The following ARK2N variants were observed in gnomAD, a reference collection of about 807,000 sequenced individuals.
The protein encoded by ARK2N is protein ARK2N.
At chr18:46,261,659 G>GC in the ARK2N span, among the ~76,000 whole-genome samples, 1 of 152,166 alleles carries the variant, frequency 6.6e-6, no homozygotes, top group Non-Finnish European at 1.5e-5. Context: ...TGAAAAGGTA[G>GC]TAGCCTCTGG....
At chr18:46,182,338 G>A in the ARK2N span, among the ~76,000 whole-genome samples, 1 of 152,188 alleles carries the variant, frequency 6.6e-6, no homozygotes, top group African/African-American at 2.4e-5. Context: ...AATTTTGGCA[G>A]CTTTTATCTT....
At chr18:46,207,202 C>T in the ARK2N span, among the ~76,000 whole-genome samples, 1 of 152,068 alleles carries the variant, frequency 6.6e-6, no homozygotes, top group Admixed American at 6.6e-5. Context: ...ATGGTTGTAC[C>T]CTAACCAGTG....
At chr18:46,265,788 G>A in the ARK2N span, 1 of 152,518 alleles carries the variant, frequency 6.6e-6, no homozygotes, top group African/African-American at 2.4e-5. Flanking sequence ...CTTTTAAAGG[G>A]GTTTTTCTTA....
At chr18:46,260,440 T>C in the ARK2N span, among the ~76,000 whole-genome samples, 1,550 of 152,324 alleles carry the variant, frequency 0.01, 27 homozygotes, top group African/African-American at 0.035. Flanking sequence ...TTAGGGGTTG[T>C]TCCATCATCT....
the ARK2N span, among the ~76,000 whole-genome samples, chr18:46,185,502 C>G: frequency 3.3e-5 from 5 of 152,310 alleles, no homozygotes; most frequent in South Asian, 1.0e-3. Context: ...TGTCATAGCT[C>G]TCTACTGTGC....
the ARK2N span, among the ~76,000 whole-genome samples, chr18:46,252,328 G>A: frequency 2.6e-5 from 4 of 151,880 alleles, no homozygotes; most frequent in African/African-American, 9.7e-5. Flanking sequence ...GGCTCCTGGA[G>A]TGCAGTGGCG....
the ARK2N span, among the ~76,000 whole-genome samples, chr18:46,208,678 C>T: frequency 6.6e-6 from 1 of 151,884 alleles, no homozygotes; most frequent in East Asian, 1.9e-4. Context: ...CCATGTTGGC[C>T]AGGATGGTCT....
At chr18:46,213,392 C>T in the ARK2N span, among the ~76,000 whole-genome samples, 1 of 152,012 alleles carries the variant, frequency 6.6e-6, no homozygotes, top group African/African-American at 2.4e-5. Flanking sequence ...TTTGTCCCCC[C>T]CACTGCTAAA....
chr18:46,200,091 T>C, the ARK2N span, among the ~76,000 whole-genome samples: 199 of 148,092 alleles, frequency 1.3e-3, no homozygotes, highest in Middle Eastern at 3.5e-3. Flanking sequence ...TGTGTGTGTG[T>C]GCGCGCGCGT....
At chr18:46,214,016 C>T in the ARK2N span, among the ~76,000 whole-genome samples, 9 of 152,188 alleles carry the variant, frequency 5.9e-5, no homozygotes, top group African/African-American at 2.2e-4. Context: ...TTTAAATTAA[C>T]AGATGTTTCA....
At chr18:46,218,932 A>G in the ARK2N span, 1 of 152,324 alleles carries the variant, frequency 6.6e-6, no homozygotes, top group African/African-American at 2.4e-5. Context: ...AAAACCGATT[A>G]TTGCCATACT....
chr18:46,260,927 T>A, the ARK2N span, among the ~76,000 whole-genome samples: 4 of 152,240 alleles, frequency 2.6e-5, no homozygotes, highest in Non-Finnish European at 5.9e-5. Context: ...TCAGATTTTT[T>A]AAAAAGCCAC....
chr18:46,216,822 G>T, the ARK2N span: 1 of 467,550 alleles, frequency 2.1e-6, no homozygotes. The surrounding 1 kb of genome is among the most constrained non-coding windows in gnomAD (Gnocchi z 4.3). Context: ...TTAATGATAG[G>T]GACAAGATTA....
the ARK2N span, among the ~76,000 whole-genome samples, chr18:46,197,122 A>G: frequency 1.3e-5 from 2 of 152,170 alleles, no homozygotes; most frequent in Admixed American, 1.3e-4. Flanking sequence ...TTTTGAAGGG[A>G]GGAACATTAA....
chr18:46,199,265 A>G, the ARK2N span, among the ~76,000 whole-genome samples: 1 of 151,918 alleles, frequency 6.6e-6, no homozygotes, highest in Non-Finnish European at 1.5e-5. Context: ...GCTGAACTAC[A>G]TTTCCTAGAA....
chr18:46,237,158 C>CA, the ARK2N span, among the ~76,000 whole-genome samples: 1 of 152,032 alleles, frequency 6.6e-6, no homozygotes, highest in Non-Finnish European at 1.5e-5. Context: ...CCACCATGCT[C>CA]AGTCAGCTTC....
the ARK2N span, among the ~76,000 whole-genome samples, chr18:46,254,958 C>T: frequency 2.6e-5 from 3 of 115,870 alleles, no homozygotes; most frequent in Non-Finnish European, 4.9e-5. Context: ...ATAAAGCAAA[C>T]AACTTTTCTC....
the ARK2N span, among the ~76,000 whole-genome samples, chr18:46,174,679 G>C: frequency 1.3e-5 from 2 of 152,196 alleles, no homozygotes; most frequent in African/African-American, 4.8e-5. Context: ...CTGAGGGGAG[G>C]CTGGAGGTGC....
the ARK2N span, among the ~76,000 whole-genome samples, chr18:46,213,916 C>T: frequency 4.6e-5 from 7 of 152,144 alleles, no homozygotes; most frequent in African/African-American, 1.7e-4. Context: ...AGACTGGTCT[C>T]GAACTTCCAA....
Sources: allele counts gnomAD v4.1 joint callset (sites outside exome capture counted in the v4.1 genomes callset), GRCh38; gene constraint gnomAD v4.1.1; non-coding constraint Gnocchi (gnomAD v3.1); transcripts MANE v1.5; gene names NCBI Gene and HGNC (gene_info 2026-07-23, HGNC 2026-07-21).